The following RFTN1 variants were observed in gnomAD, a reference collection of about 807,000 sequenced individuals.
RFTN1 encodes the protein raftlin, lipid raft linker 1, also known as raftlin.
Under a neutral mutation model 46.5 loss-of-function variants are expected in RFTN1, and 26 were observed. That is an observed-to-expected ratio of 0.56 (90% CI 0.41 to 0.78). The LOEUF is 0.78. RFTN1 is among the 30% of genes least tolerant of loss of function. The pLI is 0.00. For synonymous variants in RFTN1, 261 were observed against 284.2 expected (o/e 0.92, Z 0.82); for missense variants, 693 against 718.7 (o/e 0.96, Z 0.41).
rs1362779292 is a variant in RFTN1, at chr3:16,345,830, G to A, written c.1146+12102C>T. On this transcript the variant is annotated intron_variant, in intron 7 of 9. Transcript: ENST00000334133. This position sits in a 1 kb window ranked among gnomAD's most constrained non-coding sequence, Gnocchi z 5.2. ...TGTGTGTGTGTGTGCGCGCGCGCGT[G>A]CGCGCACGCGCACATGTGCATGTGT... 8.2e-4 allele frequency among the ~76,000 whole-genome samples: 67 copies of A among 81,894 alleles called. 1 individual carries two copies. The highest frequency in any genetic ancestry group is 3.1e-3 in the African/African-American group (61 of 19,746). The allele number at this position is 81,894 out of a possible 152,430, so 53.7% of individuals were successfully genotyped here.
rs988482823 is a variant in RFTN1 at position 16,341,437 on chromosome 3, G to A, written c.1147-14561C>T. 2.0e-5 allele frequency among the ~76,000 whole-genome samples: 3 copies of A among 152,190 alleles called. No individual in the cohort carries two copies. The highest frequency in any genetic ancestry group is 4.4e-5 in the Non-Finnish European group (3 of 68,040). ...TTCAGTAACTGACAGAGAAACTGCAGTGGAACCATACAATGAAATATTATC... is the reference window on the plus strand; with the variant it reads ...TTCAGTAACTGACAGAGAAACTGCAATGGAACCATACAATGAAATATTATC... On this transcript the variant is annotated intron_variant, in intron 7 of 9. Coordinates refer to ENST00000334133, the MANE Select transcript of RFTN1 (RefSeq NM_015150.2). This position sits in a 1 kb window ranked among gnomAD's most constrained non-coding sequence, Gnocchi z 4.7.
rs2069820206 is a variant in RFTN1 at position 16,327,440 on chromosome 3, G to A, written c.1147-564C>T. On this transcript the variant is annotated intron_variant, in intron 7 of 9. Transcript: ENST00000334133. The surrounding 1 kb of genome is among the most constrained non-coding windows in gnomAD (Gnocchi z 4.2). Reference sequence around the variant, plus strand: ...GTTTTATTTCAAATTAGGATTTGGGGAACTAACATTTGTCTTTCAGTTAAA... The same window carrying A: ...GTTTTATTTCAAATTAGGATTTGGGAAACTAACATTTGTCTTTCAGTTAAA... Among the ~76,000 whole-genome samples, 1 of 152,138 alleles carries A rather than the reference G, an allele frequency of 6.6e-6. No homozygotes were observed. Among genetic ancestry groups the A allele is most frequent in the African/African-American group, 2.4e-5 (1 of 41,444 alleles).
intron 3 of RFTN1, among the ~76,000 whole-genome samples, chr3:16,419,549 C>A (rs1180398938): frequency 1.3e-5 from 2 of 152,046 alleles, no homozygotes; most frequent in Non-Finnish European, 2.9e-5. Context: ...TAACCTGCAC[C>A]TTCCCAGAGA....
chr3:16,382,608 C>CT lies in RFTN1; in HGVS notation c.442-4507dup, dbSNP rs1477330027. ...GTGTGAACCCCTAGCCCTGGCTTTCCTTGCAAGTTCAGACCTACACAGAAG... is the reference window on the plus strand; with the variant it reads ...GTGTGAACCCCTAGCCCTGGCTTTCCTTTGCAAGTTCAGACCTACACAGAAG... On this transcript the variant is annotated intron_variant, in intron 4 of 9. Coordinates refer to ENST00000334133, the MANE Select transcript of RFTN1 (RefSeq NM_015150.2). The surrounding 1 kb of genome is among the most constrained non-coding windows in gnomAD (Gnocchi z 4.7). 6.6e-6 allele frequency among the ~76,000 whole-genome samples: 1 copy of CT among 151,964 alleles called. No homozygotes were observed. Among genetic ancestry groups the CT allele is most frequent in the East Asian group, 1.9e-4 (1 of 5,190 alleles).
intron 4 of RFTN1, among the ~76,000 whole-genome samples, chr3:16,388,641 C>T (rs1389053089): frequency 1.3e-5 from 2 of 152,078 alleles, no homozygotes; most frequent in Admixed American, 6.6e-5. Context: ...GTTTTCAGTC[C>T]ATCTCTTAAG....
rs1469473531 is a variant in RFTN1, at chr3:16,421,950, C to T, written c.332+11901G>A. ...CTCCTGCTCCATACAGCACATGTGA[C>T]CTCTGACATACACACCAAGCCAGGA... On this transcript the variant is annotated intron_variant, in intron 3 of 9. Transcript: ENST00000334133. This position sits in a 1 kb window ranked among gnomAD's most constrained non-coding sequence, Gnocchi z 4.6. Among the ~76,000 whole-genome samples, 1 of 152,146 alleles carries T rather than the reference C, an allele frequency of 6.6e-6. No individual in the cohort carries two copies. The highest frequency in any genetic ancestry group is 1.9e-4 in the East Asian group (1 of 5,192).
rs1448450189 is a variant in RFTN1 at position 16,479,172 on chromosome 3, T to C, written c.145+14553A>G. On this transcript the variant is annotated intron_variant, in intron 2 of 9. Transcript: ENST00000334133. The surrounding 1 kb of genome is among the most constrained non-coding windows in gnomAD (Gnocchi z 5.1). ...GCACTGTATAGTACTCTAACATTCC[T>C]TGCAGGTAGGAGAACAAAACCTTGG... Among the ~76,000 whole-genome samples, 2 of 152,178 alleles carry C rather than the reference T, an allele frequency of 1.3e-5. No homozygotes were observed. Among genetic ancestry groups the C allele is most frequent in the Non-Finnish European group, 1.5e-5 (1 of 68,026 alleles).
chr3:16,403,126 C>T (rs1417373756), intron 4 of RFTN1, among the ~76,000 whole-genome samples: 1 of 152,222 alleles, frequency 6.6e-6, no homozygotes, highest in Non-Finnish European at 1.5e-5. Context: ...ACTCCAACAT[C>T]TGACCCCATG....
rs1693739226 is a variant in RFTN1 at position 16,513,158 on chromosome 3, A to G, written c.-9+284T>C. On this transcript the variant is annotated intron_variant, in intron 1 of 9. Transcript: ENST00000334133. The surrounding 1 kb of genome is among the most constrained non-coding windows in gnomAD (Gnocchi z 5.4). ...TACGACCCCCAACAGGCTGCTCCGA[A>G]GTGCCTCTCCCTACATCGCTCCAGG... 6.6e-6 allele frequency: 1 copy of G among 152,658 alleles called. No homozygotes were observed. The highest frequency in any genetic ancestry group is 2.4e-5 in the African/African-American group (1 of 41,566). 9.5% of individuals were successfully genotyped at this position (152,658 alleles called of 1,614,324 possible). A position where few individuals can be genotyped will look rare whatever the true frequency, so the allele number is the denominator to read the frequency against.
rs748932532 is a variant in RFTN1 at position 16,358,080 on chromosome 3, G to A, written c.1031-33C>T. On this transcript the variant is annotated intron_variant, in intron 6 of 9. Transcript: ENST00000334133. ...AAAAGAAAAAGGCGGGGGTGGGGGGGGTCTGTAAACCGTCTGTGGCAGAAG... is the reference window on the plus strand; with the variant it reads ...AAAAGAAAAAGGCGGGGGTGGGGGGAGTCTGTAAACCGTCTGTGGCAGAAG... 9.9e-6 allele frequency: 11 copies of A among 1,111,880 alleles called. 1 individual carries two copies. The highest frequency in any genetic ancestry group is 1.5e-5 in the Non-Finnish European group (11 of 726,884). The allele number at this position is 1,111,880 out of a possible 1,614,324, so 68.9% of individuals were successfully genotyped here. A position where few individuals can be genotyped will look rare whatever the true frequency, so the allele number is the denominator to read the frequency against.
intron 2 of RFTN1, among the ~76,000 whole-genome samples, chr3:16,456,971 C>A (rs2075918887): frequency 6.6e-6 from 1 of 152,160 alleles, no homozygotes; most frequent in Non-Finnish European, 1.5e-5. Flanking sequence ...GTCATAAAAA[C>A]AAACACTCTG....
chr3:16,478,929 G>A (rs996950441), intron 2 of RFTN1, among the ~76,000 whole-genome samples: 10 of 152,128 alleles, frequency 6.6e-5, no homozygotes, highest in African/African-American at 2.2e-4. Flanking sequence ...CAATCTTTTT[G>A]TAACCTAATC....
chr3:16,360,821 G>T (rs959580678), intron 6 of RFTN1, among the ~76,000 whole-genome samples: 1 of 152,098 alleles, frequency 6.6e-6, no homozygotes, highest in African/African-American at 2.4e-5. Flanking sequence ...AATATTATGG[G>T]AATTTAATGA....
At position 16,413,474 on chromosome 3, in the gene RFTN1, T is replaced by TA. The variant is rs1408043276; in HGVS notation, c.333-3992dup. ...CCTATGGGGTAGTGGAAATACCAGG[T>TA]ATGCTCCCCAAAGGGCCATGTCATT... On this transcript the variant is annotated intron_variant, in intron 3 of 9. Coordinates refer to ENST00000334133, the MANE Select transcript of RFTN1 (RefSeq NM_015150.2). The surrounding 1 kb of genome is among the most constrained non-coding windows in gnomAD (Gnocchi z 4.7). Among the ~76,000 whole-genome samples the TA allele has an allele frequency of 6.6e-6, 1 of 152,226 alleles. No homozygotes were observed. The highest frequency in any genetic ancestry group is 2.4e-5 in the African/African-American group (1 of 41,464).
intron 3 of RFTN1, 95 bp from the exon 4 acceptor site, chr3:16,409,578 C>A: frequency 1.2e-6 from 1 of 813,144 alleles, no homozygotes. Flanking sequence ...AGTGCAATGA[C>A]GCGATCTCGG....
intron 3 of RFTN1, among the ~76,000 whole-genome samples, chr3:16,431,410 A>T (rs1181727812): frequency 2.0e-5 from 3 of 152,112 alleles, no homozygotes; most frequent in South Asian, 2.1e-4. Flanking sequence ...CTCCCCTGAG[A>T]CCTGCTATAT....
chr3:16,472,013 A>G (rs2076205921), intron 2 of RFTN1: 1 of 152,078 alleles, frequency 6.6e-6, no homozygotes, highest in South Asian at 2.1e-4. Flanking sequence ...CAGCCTTTGT[A>G]AGCAGAGACC....
rs2124885144 is a variant in RFTN1 at position 16,443,748 on chromosome 3, A to G, written c.146-9711T>C. Among the ~76,000 whole-genome samples, 1 of 137,106 alleles carries G rather than the reference A, an allele frequency of 7.3e-6. No homozygotes were observed. Among genetic ancestry groups the G allele is most frequent in the South Asian group, 2.2e-4 (1 of 4,512 alleles). 89.9% of individuals were successfully genotyped at this position (137,106 alleles called of 152,430 possible). ...ATCACACATAGTCAATGAATTACAC[A>G]CAACACACACACACACACACACACA... On this transcript the variant is annotated intron_variant, in intron 2 of 9. Transcript: ENST00000334133. This position sits in a 1 kb window ranked among gnomAD's most constrained non-coding sequence, Gnocchi z 5.5.
In RFTN1 at chr3:16,320,716, T is replaced by G. The variant is rs757637737; in HGVS notation, c.1332+2660A>C. On this transcript the variant is annotated intron_variant, in intron 9 of 9. Transcript: ENST00000334133. The surrounding 1 kb of genome is among the most constrained non-coding windows in gnomAD (Gnocchi z 4.5). ...GAGCTAGAAAGGAGGAGAATGTCCT[T>G]GGCAGAGGGGACACGGAAGAACTGG... Among the ~76,000 whole-genome samples, 3 of 152,150 alleles carry G rather than the reference T, an allele frequency of 2.0e-5. No individual in the cohort carries two copies. Among genetic ancestry groups the G allele is most frequent in the African/African-American group, 7.2e-5 (3 of 41,424 alleles).
Sources: gnomAD v4.1 joint callset for allele counts (sites outside exome capture counted in the v4.1 genomes callset) on GRCh38, gnomAD v4.1.1 for gene constraint, Gnocchi (gnomAD v3.1) non-coding constraint, MANE v1.5 for transcripts, NCBI Gene and HGNC (gene_info 2026-07-23, HGNC 2026-07-21) for gene names.